Variants in TDP1 observed in about 807,000 individuals in gnomAD.
TDP1 encodes the protein tyr-DNA phosphodiesterase 1.
Under a neutral mutation model 81.5 loss-of-function variants are expected in TDP1, and 64 were observed. That is an observed-to-expected ratio of 0.79 (90% CI 0.64 to 0.97). The LOEUF (loss-of-function observed/expected upper bound fraction) is 0.97. TDP1 is among the 50% of genes least tolerant of loss of function. The pLI is 0.00. For missense variants in TDP1, 723 were observed against 743.8 expected, an observed-to-expected ratio of 0.97 and a Z score of 0.33; for synonymous variants, 256 against 264.3, an observed-to-expected ratio of 0.97 and a Z score of 0.30.
chr14:89,975,490 A>G (rs1341501782), intron 6 of TDP1: 1 of 982,528 alleles, frequency 1.0e-6, no homozygotes, highest in African/African-American at 1.8e-5. Flanking sequence ...TTTGTCAACT[A>G]AAGAATTTAG....
intron 15 of TDP1, chr14:90,022,916 C>T (rs1391723769): frequency 9.3e-6 from 7 of 751,066 alleles, no homozygotes; most frequent in South Asian, 1.6e-5. Context: ...AACAGCCCGA[C>T]GGTTCCCTCC....
intron 14 of TDP1, among the ~76,000 whole-genome samples, chr14:90,017,064 A>G (rs890963475): frequency 2.0e-5 from 3 of 152,328 alleles, no homozygotes; most frequent in Admixed American, 1.3e-4. Flanking sequence ...CGAGTTTTCA[A>G]CAGAAGCCAG....
chr14:90,005,900 G>A (rs1375077470), intron 14 of TDP1, among the ~76,000 whole-genome samples: 1 of 152,054 alleles, frequency 6.6e-6, no homozygotes, highest in Non-Finnish European at 1.5e-5. Context: ...TTTATCCTTG[G>A]CAGTAATTTT....
intron 14 of TDP1, among the ~76,000 whole-genome samples, chr14:90,013,339 G>A (rs1180423083): frequency 6.6e-6 from 1 of 152,126 alleles, no homozygotes; most frequent in Non-Finnish European, 1.5e-5. Context: ...ATTCCCATGT[G>A]TCATGGGAGG....
At chr14:89,986,964 G>A (rs1334563575) in intron 10 of TDP1, 1 of 152,212 alleles carries the variant, frequency 6.6e-6, no homozygotes, top group Non-Finnish European at 1.5e-5. Flanking sequence ...GTTTCCAAAT[G>A]TTTTCTTAAT....
rs1432920103 is a variant in TDP1, at chr14:90,044,712, T to TATGCTTGTGTTGTAAGC, written c.*1572_*1573insCTTGTGTTGTAAGCATG. On this transcript the variant is annotated 3_prime_UTR_variant, in exon 17 of 17. Coordinates refer to ENST00000335725, the MANE Select transcript of TDP1 (RefSeq NM_018319.4). Reference sequence around the variant, plus strand: ...GTAAAGGACATTATCTGGGGTGTTGTATGTATTTTTGTGTGTTCTGCTTTT... The same window carrying TATGCTTGTGTTGTAAGC: ...GTAAAGGACATTATCTGGGGTGTTGTATGCTTGTGTTGTAAGCATGTATTTTTGTGTGTTCTGCTTTT... 5.9e-5 allele frequency: 9 copies of TATGCTTGTGTTGTAAGC among 152,188 alleles called. No homozygotes were observed. The highest frequency in any genetic ancestry group is 1.3e-4 in the Non-Finnish European group (9 of 68,036). The allele number at this position is 152,188 out of a possible 1,614,324, so 9.4% of individuals were successfully genotyped here. A position where few individuals can be genotyped will look rare whatever the true frequency, so the allele number is the denominator to read the frequency against.
rs111298298 is a variant in TDP1, at chr14:90,018,825, T to C, written c.1542-491T>C. On this transcript the variant is annotated intron_variant, in intron 14 of 16. Coordinates refer to ENST00000335725, the MANE Select transcript of TDP1 (RefSeq NM_018319.4). ...TGTACCATTTATCTCTAGATACAAA[T>C]AACAGTCTTTGCCCTCAGAGCTGTT... The C allele has an allele frequency of 1.5e-3, 311 of 202,772 alleles. 1 individual carries two copies. The highest frequency in any genetic ancestry group is 7.0e-3 in the African/African-American group (295 of 42,224). 12.6% of individuals were successfully genotyped at this position (202,772 alleles called of 1,614,324 possible).
rs1893075220 is a variant in TDP1 at position 89,967,420 on chromosome 14, C to A, written c.657C>A (p.Phe219Leu). 10 of 1,613,866 alleles carry A rather than the reference C, an allele frequency of 6.2e-6. No homozygotes were observed. The highest frequency in any genetic ancestry group is 8.5e-6 in the Non-Finnish European group (10 of 1,179,802). Residue 219 changes from phenylalanine (F) to leucine (L), a missense_variant and splice_region_variant, in exon 5 of 17, where the codon TTC (phenylalanine) becomes TTA (leucine). Transcript: ENST00000335725. ...TCGTAAAACAGTATCCACCAGAGTT[C>A]AGGTGAGTTCCTCAGGGTGACAGAC... ...DWLVKQYPPE[F>L]RKKPILLVHG... is the part of the protein sequence containing the mutation.
intron 14 of TDP1, among the ~76,000 whole-genome samples, chr14:90,002,202 T>C (rs1897246390): frequency 6.6e-6 from 1 of 152,138 alleles, no homozygotes; most frequent in African/African-American, 2.4e-5. Flanking sequence ...CTGTAACCCA[T>C]CAACATTTTC....
In TDP1 at chr14:89,975,609, G is replaced by A. The variant is rs576445138; in HGVS notation, c.757-172G>A. 2.0e-4 allele frequency: 83 copies of A among 407,388 alleles called. No homozygotes were observed. In the East Asian group the frequency reaches 6.4e-3, roughly 31 times the overall value. 25.2% of individuals were successfully genotyped at this position (407,388 alleles called of 1,614,324 possible). On this transcript the variant is annotated intron_variant, in intron 6 of 16. Transcript: ENST00000335725. ...TTTTTTTTTTTTTTTTTTAATGAGCGTCCCCAGATGCTATTATAAAAGCTG... is the reference window on the plus strand; with the variant it reads ...TTTTTTTTTTTTTTTTTTAATGAGCATCCCCAGATGCTATTATAAAAGCTG...
At chr14:89,975,292 G>C (rs1894152668) in intron 6 of TDP1, 2 of 385,032 alleles carry the variant, frequency 5.2e-6, no homozygotes, top group African/African-American at 4.4e-5. Context: ...TAGCCAGGAT[G>C]GTCTCCATCT....
chr14:89,982,738 A>G (rs999016649), intron 8 of TDP1, among the ~76,000 whole-genome samples: 1 of 152,232 alleles, frequency 6.6e-6, no homozygotes, highest in Admixed American at 6.5e-5. Context: ...TACCAAGACT[A>G]TGAAATCTTC....
In TDP1 at chr14:90,041,689, T is replaced by C. The variant is rs528710243; in HGVS notation, c.1754-1381T>C. The stretch of plus-strand genomic sequence containing the variant: ...AAGAAGCAGTTTACAATGTGCATTC[T>C]AGCCCCTTGAAGTTTCTCTAACACT... On this transcript the variant is annotated intron_variant, in intron 16 of 16. Transcript: ENST00000335725. 1.5e-4 allele frequency among the ~76,000 whole-genome samples: 23 copies of C among 152,360 alleles called. No individual in the cohort carries two copies. In the South Asian group the frequency reaches 4.8e-3, roughly 32 times the overall value.
At chr14:90,012,204 G>A in intron 14 of TDP1, among the ~76,000 whole-genome samples, 1 of 152,292 alleles carries the variant, frequency 6.6e-6, no homozygotes, top group East Asian at 1.9e-4. Flanking sequence ...AAGAATTGAG[G>A]TTTGGGAACC....
chr14:90,000,205 G>A (rs1178486158), intron 14 of TDP1, among the ~76,000 whole-genome samples: 1 of 152,210 alleles, frequency 6.6e-6, no homozygotes, highest in Non-Finnish European at 1.5e-5. Flanking sequence ...GAGACCAGCA[G>A]GAGGATCTAT....
Position 90,003,677 on chromosome 14 carries a change from T to C in TDP1, c.1541+10194T>C, listed in dbSNP as rs569108811. On this transcript the variant is annotated intron_variant, in intron 14 of 16. Coordinates refer to ENST00000335725, the MANE Select transcript of TDP1 (RefSeq NM_018319.4). ...GGTGGTCAGAAGCAAGGTGGGTACC[T>C]AACACATGCTGGATCACTGTTAGAG... Among the ~76,000 whole-genome samples the C allele has an allele frequency of 3.9e-5, 6 of 152,312 alleles. No homozygotes were observed. In the South Asian group the frequency reaches 1.2e-3, roughly 32 times the overall value.
At chr14:89,965,169 T>A (rs938697563) in intron 3 of TDP1, among the ~76,000 whole-genome samples, 3 of 152,134 alleles carry the variant, frequency 2.0e-5, no homozygotes, top group Non-Finnish European at 2.9e-5. Context: ...CTTAACAATT[T>A]TTTTGTTGTT....
rs867851064 is a variant in TDP1, at chr14:90,020,826, C to T, written c.1644+1408C>T. 4.9e-3 allele frequency among the ~76,000 whole-genome samples: 673 copies of T among 138,484 alleles called. 4 individuals are homozygous for T. Among genetic ancestry groups the T allele is most frequent in the African/African-American group, 0.016 (549 of 34,460 alleles). 90.9% of individuals were successfully genotyped at this position (138,484 alleles called of 152,430 possible). A position where few individuals can be genotyped will look rare whatever the true frequency, so the allele number is the denominator to read the frequency against. On this transcript the variant is annotated intron_variant, in intron 15 of 16. Transcript: ENST00000335725. ...TTTTTTTTTTTTTTAGACAGAGTCT[C>T]GCTCTGTCGCCCAGGCTGGAGTGCA...
chr14:89,990,784 A>G (rs936087723), intron 12 of TDP1, among the ~76,000 whole-genome samples: 3 of 152,042 alleles, frequency 2.0e-5, no homozygotes, highest in Admixed American at 2.0e-4. Context: ...GCCCTATTTG[A>G]TATGTCAGAG....
Sources: gnomAD v4.1 joint callset for allele counts (sites outside exome capture counted in the v4.1 genomes callset) on GRCh38, gnomAD v4.1.1 for gene constraint, MANE v1.5 for transcripts, NCBI Gene and HGNC (gene_info 2026-07-23, HGNC 2026-07-21) for gene names.